MAST4: variants seen among roughly 807,000 people sequenced by gnomAD.
MAST4 encodes microtubule associated serine/threonine kinase family member 4, also known as microtubule-associated serine/threonine-protein kinase 4.
Under a neutral mutation model 162.7 loss-of-function variants are expected in MAST4, and 89 were observed. The ratio of observed to expected loss-of-function variants is 0.55; its 90% CI spans 0.46 to 0.65. MAST4 has a LOEUF of 0.65. MAST4 is among the 30% of genes least tolerant of loss of function. The pLI is 0.00. For synonymous variants in MAST4, 1,479 were observed against 1,361.1 expected (o/e 1.09, Z -1.91); for missense variants, 3,153 against 3,374.0 (o/e 0.93, Z 1.62).
At chr5:66,773,823 A>G (rs192453171) in intron 2 of MAST4, among the ~76,000 whole-genome samples, 68 of 152,224 alleles carry the variant, frequency 4.5e-4, no homozygotes, top group African/African-American at 1.6e-3. Context: ...TCTGTTCTTT[A>G]TAAATTACCC....
intron 1 of MAST4, among the ~76,000 whole-genome samples, chr5:66,689,011 C>G (rs1403821966): frequency 6.6e-6 from 1 of 152,130 alleles, no homozygotes; most frequent in Non-Finnish European, 1.5e-5. Flanking sequence ...TTTTTCCAAG[C>G]TTTTCAATGT....
chr5:66,829,216 G>A (rs943348776), intron 3 of MAST4, among the ~76,000 whole-genome samples: 3 of 151,878 alleles, frequency 2.0e-5, no homozygotes, highest in South Asian at 4.2e-4. Context: ...GAAGTCTGTC[G>A]AGGGGTAGCA....
At position 67,104,566 on chromosome 5, in the gene MAST4, G is replaced by A. The variant is rs1454118044; in HGVS notation, c.1347G>A (p.Leu449=). The A allele has an allele frequency of 6.2e-7, 1 of 1,612,364 alleles. No individual in the cohort carries two copies. The highest frequency in any genetic ancestry group is 8.5e-7 in the Non-Finnish European group (1 of 1,179,062). ...FLELQHKLDK[L]LQEAHDRSES... is the part of the protein sequence containing the mutation. Reference sequence around the variant, plus strand: ...AATTACAGCACAAATTAGATAAGTTGCTACAGGAGGTAAGAACCATGTACC... The same window carrying A: ...AATTACAGCACAAATTAGATAAGTTACTACAGGAGGTAAGAACCATGTACC... The change falls in exon 10 of 29, where the codon TTG becomes TTA. Residue 449 remains leucine, a synonymous_variant. Coordinates refer to ENST00000403625, the MANE Select transcript of MAST4 (RefSeq NM_001164664.2).
intron 4 of MAST4, among the ~76,000 whole-genome samples, chr5:66,941,566 C>A (rs1469639447): frequency 6.6e-6 from 1 of 152,150 alleles, no homozygotes; most frequent in East Asian, 1.9e-4. Flanking sequence ...TCTATTCAGA[C>A]CACCAAAACT....
At chr5:66,939,422 G>A (rs535450691) in intron 4 of MAST4, among the ~76,000 whole-genome samples, 7 of 152,164 alleles carry the variant, frequency 4.6e-5, no homozygotes, top group African/African-American at 9.6e-5. Flanking sequence ...TTTTAACAAT[G>A]TTTATATTTT....
At chr5:66,812,112 T>C (rs1486819056) in intron 3 of MAST4, among the ~76,000 whole-genome samples, 2 of 152,060 alleles carry the variant, frequency 1.3e-5, no homozygotes, top group African/African-American at 2.4e-5. Context: ...AGTTGGATAA[T>C]GGTGAAATCT....
intron 1 of MAST4, among the ~76,000 whole-genome samples, chr5:66,748,449 C>T (rs568638996): frequency 7.3e-6 from 1 of 137,124 alleles, no homozygotes; most frequent in South Asian, 2.9e-4. Context: ...CCCTCTCTCC[C>T]TCACTCCCTC....
rs188508816 is a variant in MAST4 at position 66,941,053 on chromosome 5, T to C, written c.674+41071T>C. Among the ~76,000 whole-genome samples, 5 of 152,290 alleles carry C rather than the reference T, an allele frequency of 3.3e-5. No homozygotes were observed. The East Asian group carries it at 9.7e-4, about 29-fold the overall frequency. On this transcript the variant is annotated intron_variant, in intron 4 of 28. Transcript: ENST00000403625. ...GAGCACTAGGTCTCAACAGTGAACCTAAAATATTTCATAAATTATGCTGTG... is the reference window on the plus strand; with the variant it reads ...GAGCACTAGGTCTCAACAGTGAACCCAAAATATTTCATAAATTATGCTGTG...
intron 4 of MAST4, among the ~76,000 whole-genome samples, chr5:66,951,596 A>ATGTGTGTGTG (rs1491469801): frequency 2.6e-5 from 3 of 114,760 alleles, no homozygotes; most frequent in East Asian, 2.6e-4. Context: ...GCCTCCCATG[A>ATGTGTGTGTG]TATGTGTGTG....
At chr5:66,856,591 G>A (rs894239762) in intron 3 of MAST4, among the ~76,000 whole-genome samples, 1 of 152,328 alleles carries the variant, frequency 6.6e-6, no homozygotes, top group Non-Finnish European at 1.5e-5. Context: ...GCTGTCTGGA[G>A]GAAAAGATTA....
In MAST4 at chr5:67,100,351, C is replaced by A. The variant is rs977826613; in HGVS notation, c.913-84C>A. 2.9e-6 allele frequency: 4 copies of A among 1,369,974 alleles called. No individual in the cohort carries two copies. The African/African-American group carries it at 4.3e-5, about 15-fold the overall frequency. The allele number at this position is 1,369,974 out of a possible 1,614,324, so 84.9% of individuals were successfully genotyped here. On this transcript the variant is annotated intron_variant, in intron 7 of 28. Coordinates refer to ENST00000403625, the MANE Select transcript of MAST4 (RefSeq NM_001164664.2). ...AAACAATAAAAATGGTGGTATTGTC[C>A]AAGTTTAACTCATCGATCTCTCCTG... is the stretch of plus-strand genomic sequence containing the variant.
At chr5:66,906,731 T>C (rs917061730) in intron 4 of MAST4, among the ~76,000 whole-genome samples, 4 of 152,184 alleles carry the variant, frequency 2.6e-5, no homozygotes, top group Non-Finnish European at 2.9e-5. Flanking sequence ...GAAACAAGGC[T>C]AGCAGAAAGT....
Position 67,133,028 on chromosome 5 carries a change from A to C in MAST4, c.2094-486A>C, listed in dbSNP as rs577762669. On this transcript the variant is annotated intron_variant, in intron 16 of 28. Coordinates refer to ENST00000403625, the MANE Select transcript of MAST4 (RefSeq NM_001164664.2). ...ATTGCAGATTCTTTGCATGGGTAAG[A>C]AATATAGGTTTTGTGCTTAATGAGT... Among the ~76,000 whole-genome samples the C allele has an allele frequency of 3.9e-5, 6 of 152,256 alleles. No individual in the cohort carries two copies. In the East Asian group the frequency reaches 1.2e-3, roughly 29 times the overall value.
chr5:66,852,895 T>A (rs1349201937), intron 3 of MAST4, among the ~76,000 whole-genome samples: 2 of 152,164 alleles, frequency 1.3e-5, no homozygotes, highest in East Asian at 3.8e-4. Context: ...GAAAATATGA[T>A]GAGCTGAGGA....
At chr5:66,845,260 C>A (rs1758763702) in intron 3 of MAST4, among the ~76,000 whole-genome samples, 1 of 151,504 alleles carries the variant, frequency 6.6e-6, no homozygotes, top group African/African-American at 2.4e-5. Flanking sequence ...TAATGCTATC[C>A]CTCACCCATC....
intron 26 of MAST4, 89 bp from the exon 27 acceptor site, chr5:67,160,367 A>T: frequency 1.5e-6 from 2 of 1,303,278 alleles, no homozygotes; most frequent in Non-Finnish European, 2.1e-6. Context: ...GTTCCTTTCT[A>T]TTTGTATTTG....
At position 66,989,760 on chromosome 5, in the gene MAST4, A is replaced by G. The variant is rs186795779; in HGVS notation, c.675-64644A>G. 2.4e-3 allele frequency among the ~76,000 whole-genome samples: 365 copies of G among 152,306 alleles called. 5 individuals carry two copies. Among genetic ancestry groups the G allele is most frequent in the African/African-American group, 8.1e-3 (337 of 41,566 alleles). ...AACATTTTTCTAGAATATATAAAATATGGTAGTTTTATTTAGTAAAAATAT... is the reference window on the plus strand; with the variant it reads ...AACATTTTTCTAGAATATATAAAATGTGGTAGTTTTATTTAGTAAAAATAT... On this transcript the variant is annotated intron_variant, in intron 4 of 28. Coordinates refer to ENST00000403625, the MANE Select transcript of MAST4 (RefSeq NM_001164664.2).
At chr5:66,684,409 A>G (rs1333710007) in intron 1 of MAST4, among the ~76,000 whole-genome samples, 1 of 152,176 alleles carries the variant, frequency 6.6e-6, no homozygotes, top group Admixed American at 6.5e-5. Flanking sequence ...GTACTAGTTA[A>G]TAATTCACAT....
At chr5:66,963,420 T>C (rs1206753703) in intron 4 of MAST4, among the ~76,000 whole-genome samples, 2 of 152,220 alleles carry the variant, frequency 1.3e-5, no homozygotes, top group African/African-American at 4.8e-5. Context: ...TTTTCTTTGA[T>C]GCAAAAATCA....
Sources: gnomAD v4.1 joint callset for allele counts (sites outside exome capture counted in the v4.1 genomes callset) on GRCh38, gnomAD v4.1.1 for gene constraint, MANE v1.5 for transcripts, NCBI Gene and HGNC (gene_info 2026-07-23, HGNC 2026-07-21) for gene names.